POU2F1: variants seen among roughly 807,000 people sequenced by gnomAD.
POU2F1 encodes POU class 2 homeobox 1, also known as POU domain, class 2, transcription factor 1.
Under a neutral mutation model 84.9 loss-of-function variants are expected in POU2F1, and 16 were observed. That is an observed-to-expected ratio of 0.19 (90% confidence interval 0.13 to 0.29). The LOEUF (loss-of-function observed/expected upper bound fraction) is 0.29. Among genes scored for constraint, POU2F1 ranks in the 10% least tolerant of loss-of-function variants. POU2F1 has a pLI of 1.00. For synonymous variants in POU2F1, 368 were observed against 368.3 expected, an observed-to-expected ratio of 1.00 and a Z score of 0.01; for missense variants, 738 against 942.6, an observed-to-expected ratio of 0.78 and a Z score of 2.84.
intron 1 of POU2F1, among the ~76,000 whole-genome samples, chr1:167,312,144 G>A (rs532325773): frequency 6.6e-6 from 1 of 151,942 alleles, no homozygotes; most frequent in African/African-American, 2.4e-5. Flanking sequence ...CACCATTTTG[G>A]TCAGGCTGGT....
intron 1 of POU2F1, among the ~76,000 whole-genome samples, chr1:167,291,036 C>A (rs909731893): frequency 1.5e-4 from 18 of 118,482 alleles, no homozygotes; most frequent in South Asian, 3.0e-4. Flanking sequence ...AAGAGTGAGA[C>A]CCTGTCAGAA....
chr1:167,344,868 C>G (rs767616486), intron 2 of POU2F1, among the ~76,000 whole-genome samples: 1 of 152,070 alleles, frequency 6.6e-6, no homozygotes, highest in Non-Finnish European at 1.5e-5. Flanking sequence ...AAAGAAAGAA[C>G]AGATGATGCA....
chr1:167,304,025 G>A lies in POU2F1; in HGVS notation c.62-28445G>A, dbSNP rs548184845. On this transcript the variant is annotated intron_variant, in intron 1 of 15. Transcript: ENST00000367866. The stretch of plus-strand genomic sequence containing the variant: ...CCATTTTACAAATTACCTACATGAA[G>A]ATTAAAGAAGTAACTTGCGAAAGAA... Among the ~76,000 whole-genome samples, 137 of 152,248 alleles carry A rather than the reference G, an allele frequency of 9.0e-4. 1 individual carries two copies. The highest frequency in any genetic ancestry group is 5.8e-4 in the East Asian group (3 of 5,182).
chr1:167,234,897 T>C (rs1649339146), intron 1 of POU2F1, among the ~76,000 whole-genome samples: 1 of 152,244 alleles, frequency 6.6e-6, no homozygotes. Flanking sequence ...ATTTAAACTA[T>C]TTCAGTGTTG....
At chr1:167,240,455 G>T (rs768030005) in intron 1 of POU2F1, among the ~76,000 whole-genome samples, 8 of 152,104 alleles carry the variant, frequency 5.3e-5, no homozygotes, top group African/African-American at 1.7e-4. Context: ...TTATATACTC[G>T]TGGGTAATTT....
At position 167,417,129 on chromosome 1, in the gene POU2F1, C is replaced by T. The variant is rs1226868803; in HGVS notation, c.*1319C>T. The T allele has an allele frequency of 3.3e-5, 5 of 152,106 alleles. No homozygotes were observed. The highest frequency in any genetic ancestry group is 7.3e-5 in the Non-Finnish European group (5 of 68,040). 9.4% of individuals were successfully genotyped at this position (152,106 alleles called of 1,614,324 possible). On this transcript the variant is annotated 3_prime_UTR_variant, in exon 16 of 16. Transcript: ENST00000367866. ...TGTGATGAGAAGGGTATAAGGTTAC[C>T]ACCTTTTCCTCTAGAGAGCCACAGA...
At chr1:167,232,678 A>T (rs1482129816) in intron 1 of POU2F1, among the ~76,000 whole-genome samples, 1 of 152,112 alleles carries the variant, frequency 6.6e-6, no homozygotes, top group African/African-American at 2.4e-5. Flanking sequence ...CCCCATCTCT[A>T]CTAAAGATAC....
intron 2 of POU2F1, among the ~76,000 whole-genome samples, chr1:167,341,022 T>A (rs10800304): frequency 0.74 from 112,483 of 151,908 alleles, 41,815 homozygotes; most frequent in East Asian, 0.87. Flanking sequence ...GCTAGGCAAT[T>A]TATGTTCAGC....
chr1:167,222,200 C>G (rs1409724128), intron 1 of POU2F1, among the ~76,000 whole-genome samples: 5 of 152,182 alleles, frequency 3.3e-5, no homozygotes, highest in Non-Finnish European at 7.4e-5. Flanking sequence ...TCTCGATTTC[C>G]TCTCTCCTGT....
At chr1:167,290,687 TAA>T (rs1336575205) in intron 1 of POU2F1, among the ~76,000 whole-genome samples, 1 of 152,236 alleles carries the variant, frequency 6.6e-6, no homozygotes, top group African/African-American at 2.4e-5. Context: ...AAATTATCTT[TAA>T]GAGTAGTTAC....
chr1:167,292,889 A>T (rs1195368187), intron 1 of POU2F1, among the ~76,000 whole-genome samples: 1 of 152,208 alleles, frequency 6.6e-6, no homozygotes, highest in Non-Finnish European at 1.5e-5. Context: ...ACATAAACAG[A>T]ATTACAAACA....
rs1236837567 is a variant in POU2F1 at position 167,418,600 on chromosome 1, C to T, written c.*2790C>T. ...ATTGCTACCAAAGGAAGTGTGGAGT[C>T]CCAAGGGACTCAAGCTCAGTGAGGT... On this transcript the variant is annotated 3_prime_UTR_variant, in exon 16 of 16. Coordinates refer to ENST00000367866, the MANE Select transcript of POU2F1 (RefSeq NM_002697.4). The T allele has an allele frequency of 6.6e-6, 1 of 152,104 alleles. No homozygotes were observed. Among genetic ancestry groups the T allele is most frequent in the Non-Finnish European group, 1.5e-5 (1 of 68,020 alleles). The allele number at this position is 152,104 out of a possible 1,614,324, so 9.4% of individuals were successfully genotyped here. A position where few individuals can be genotyped will look rare whatever the true frequency, so the allele number is the denominator to read the frequency against.
chr1:167,318,611 G>A (rs1322248272), intron 1 of POU2F1, among the ~76,000 whole-genome samples: 1 of 152,210 alleles, frequency 6.6e-6, no homozygotes, highest in African/African-American at 2.4e-5. Context: ...AGACCAGAAA[G>A]CATGTGTAAC....
chr1:167,396,755 G>A, intron 10 of POU2F1: 1 of 188,188 alleles, frequency 5.3e-6, no homozygotes, highest in Admixed American at 6.0e-5. Context: ...AGATAAGCTT[G>A]AAGTAGAAGC....
At position 167,269,909 on chromosome 1, in the gene POU2F1, G is replaced by A. The variant is rs1336587194; in HGVS notation, c.61+48951G>A. On this transcript the variant is annotated intron_variant, in intron 1 of 15. Transcript: ENST00000367866. Reference sequence around the variant, plus strand: ...AACCTGGACAACAGTGTGAGTCTCTGTCTCAAAAAAAAAAAAAAAAGAGTA... The same window carrying A: ...AACCTGGACAACAGTGTGAGTCTCTATCTCAAAAAAAAAAAAAAAAGAGTA... Among the ~76,000 whole-genome samples, 5 of 92,066 alleles carry A rather than the reference G, an allele frequency of 5.4e-5. No individual in the cohort carries two copies. In the South Asian group the frequency reaches 1.4e-3, roughly 25 times the overall value. 60.4% of individuals were successfully genotyped at this position (92,066 alleles called of 152,430 possible).
chr1:167,244,633 A>G (rs1650175605), intron 1 of POU2F1, among the ~76,000 whole-genome samples: 1 of 152,216 alleles, frequency 6.6e-6, no homozygotes, highest in African/African-American at 2.4e-5. Flanking sequence ...GGAAGGGGCT[A>G]CACAAGGGTA....
At position 167,320,053 on chromosome 1, in the gene POU2F1, A is replaced by G. The variant is rs865906222; in HGVS notation, c.62-12417A>G. Among the ~76,000 whole-genome samples, 3 of 151,812 alleles carry G rather than the reference A, an allele frequency of 2.0e-5. No individual in the cohort carries two copies. In the East Asian group the frequency reaches 5.8e-4, roughly 29 times the overall value. ...CAGTCAAAGGTCCTGGAAGAGGTATATGAGCCCTAATGTGAGTTGATGTAA... is the reference window on the plus strand; with the variant it reads ...CAGTCAAAGGTCCTGGAAGAGGTATGTGAGCCCTAATGTGAGTTGATGTAA... On this transcript the variant is annotated intron_variant, in intron 1 of 15. Coordinates refer to ENST00000367866, the MANE Select transcript of POU2F1 (RefSeq NM_002697.4).
chr1:167,410,045 G>A (rs1464354532), intron 13 of POU2F1, among the ~76,000 whole-genome samples: 1 of 152,174 alleles, frequency 6.6e-6, no homozygotes, highest in African/African-American at 2.4e-5. Flanking sequence ...AGTGTTCAGT[G>A]GTTGATTGTT....
chr1:167,289,105 GC>G (rs1653735451), intron 1 of POU2F1, among the ~76,000 whole-genome samples: 1 of 152,160 alleles, frequency 6.6e-6, no homozygotes, highest in South Asian at 2.1e-4. Context: ...ACTTGTAGTA[GC>G]ATTTTGCTAG....
Sources: allele counts gnomAD v4.1 joint callset (sites outside exome capture counted in the v4.1 genomes callset), GRCh38; gene constraint gnomAD v4.1.1; transcripts MANE v1.5; gene names NCBI Gene and HGNC (gene_info 2026-07-23, HGNC 2026-07-21).